Variants in LRRTM4 observed in about 807,000 individuals in gnomAD.
LRRTM4 encodes the protein leucine-rich repeat transmembrane neuronal protein 4.
LRRTM4 carries 25 observed loss-of-function variants against 47.6 expected under a neutral mutation model. The ratio of observed to expected loss-of-function variants is 0.53; its 90% confidence interval spans 0.38 to 0.73. LRRTM4 has a LOEUF of 0.73. Ranked by LOEUF, LRRTM4 falls within the 30% of genes least tolerant of loss-of-function variation. The probability of loss-of-function intolerance (pLI) is 0.00; values close to 1 mark genes in which losing one functional copy is unlikely to be tolerated. For synonymous variants in LRRTM4, 311 were observed against 269.5 expected (o/e 1.15, Z -1.51); for missense variants, 638 against 713.4 (o/e 0.89, Z 1.20).
chr2:76,808,139 C>G (rs1294041466), intron 3 of LRRTM4, among the ~76,000 whole-genome samples: 1 of 151,688 alleles, frequency 6.6e-6, no homozygotes, highest in Non-Finnish European at 1.5e-5. Flanking sequence ...CCTGCCTCAG[C>G]CTTACTCAGT....
At chr2:77,369,483 G>A (rs761265929) in intron 3 of LRRTM4, among the ~76,000 whole-genome samples, 39 of 151,674 alleles carry the variant, frequency 2.6e-4, no homozygotes, top group Non-Finnish European at 4.4e-4. Context: ...ACATGAAGAC[G>A]AAAGTGGACA....
intron 3 of LRRTM4, among the ~76,000 whole-genome samples, chr2:77,249,393 C>T (rs1407925062): frequency 6.6e-6 from 1 of 151,558 alleles, no homozygotes; most frequent in Non-Finnish European, 1.5e-5. Context: ...TTTTGGTCCA[C>T]CAAGGACACT....
chr2:76,844,922 G>T (rs1046826846), intron 3 of LRRTM4, among the ~76,000 whole-genome samples: 3 of 151,988 alleles, frequency 2.0e-5, no homozygotes, highest in Non-Finnish European at 4.4e-5. Context: ...ATCAAAAGGC[G>T]GTAATGTGAC....
intron 3 of LRRTM4, among the ~76,000 whole-genome samples, chr2:76,816,811 G>A (rs1409931467): frequency 2.5e-5 from 3 of 120,952 alleles, no homozygotes; most frequent in Non-Finnish European, 5.4e-5. Context: ...TTTACTTAGA[G>A]GTAAAGAGTT....
intron 3 of LRRTM4, among the ~76,000 whole-genome samples, chr2:76,774,178 CTTTTT>C (rs11342000): frequency 6.8e-6 from 1 of 146,836 alleles, no homozygotes; most frequent in African/African-American, 2.5e-5. Context: ...GAAAAGGGAA[CTTTTT>C]TTTTTTTTAT....
intron 3 of LRRTM4, among the ~76,000 whole-genome samples, chr2:77,072,381 T>C (rs546295783): frequency 6.6e-6 from 1 of 152,324 alleles, no homozygotes; most frequent in East Asian, 1.9e-4. Context: ...ATTGAAACAT[T>C]ATTTCTGTGA....
At chr2:77,184,959 G>C (rs1042684951) in intron 3 of LRRTM4, among the ~76,000 whole-genome samples, 1 of 151,840 alleles carries the variant, frequency 6.6e-6, no homozygotes, top group African/African-American at 2.4e-5. Flanking sequence ...ACAGACCAAA[G>C]TAATTAAAGA....
intron 3 of LRRTM4, among the ~76,000 whole-genome samples, chr2:77,023,921 C>T (rs142268890): frequency 0.012 from 1,882 of 152,176 alleles, 41 homozygotes; most frequent in African/African-American, 0.043. Flanking sequence ...AGTCTGTTCT[C>T]ATGCTGCTGA....
At chr2:77,484,166 G>T (rs1677823961) in intron 3 of LRRTM4, among the ~76,000 whole-genome samples, 2 of 152,206 alleles carry the variant, frequency 1.3e-5, no homozygotes, top group Admixed American at 1.3e-4. Context: ...GCATTCACAG[G>T]CAGGCAGTTT....
chr2:76,908,482 G>C (rs1673931233), intron 3 of LRRTM4, among the ~76,000 whole-genome samples: 1 of 151,488 alleles, frequency 6.6e-6, no homozygotes, highest in African/African-American at 2.4e-5. Context: ...AGTGTTGGAA[G>C]TTCTGGCCAG....
intron 3 of LRRTM4, among the ~76,000 whole-genome samples, chr2:77,135,883 A>AT (rs542358400): frequency 5.9e-5 from 9 of 151,848 alleles, no homozygotes; most frequent in South Asian, 2.1e-4. Flanking sequence ...AAATTTTTAC[A>AT]TTTTTTTTAC....
chr2:77,498,988 A>C (rs1490987538), intron 3 of LRRTM4, among the ~76,000 whole-genome samples: 1 of 151,818 alleles, frequency 6.6e-6, no homozygotes, highest in African/African-American at 2.4e-5. Flanking sequence ...CAACTCCTGA[A>C]GTTTCAGGAA....
intron 3 of LRRTM4, among the ~76,000 whole-genome samples, chr2:76,951,959 G>C (rs538155969): frequency 6.6e-6 from 1 of 151,824 alleles, no homozygotes; most frequent in Non-Finnish European, 1.5e-5. Context: ...AAGGACATGA[G>C]ATCATTTTTT....
chr2:76,949,422 C>A (rs2103882272), intron 3 of LRRTM4, among the ~76,000 whole-genome samples: 1 of 151,942 alleles, frequency 6.6e-6, no homozygotes, highest in South Asian at 2.1e-4. Flanking sequence ...GCAAGGTAAA[C>A]CCTGTTCTAC....
At chr2:76,820,761 CTGA>C (rs1671030474) in intron 3 of LRRTM4, among the ~76,000 whole-genome samples, 1 of 151,684 alleles carries the variant, frequency 6.6e-6, no homozygotes, top group Non-Finnish European at 1.5e-5. Flanking sequence ...GCTGGTAATA[CTGA>C]TAATATGCAT....
At chr2:77,324,781 A>T (rs766885055) in intron 3 of LRRTM4, among the ~76,000 whole-genome samples, 1 of 152,150 alleles carries the variant, frequency 6.6e-6, no homozygotes, top group Non-Finnish European at 1.5e-5. Flanking sequence ...TTAAGAAGTC[A>T]CTGACTATTT....
chr2:77,477,904 AAAGAAAG>A (rs1677483100), intron 3 of LRRTM4, among the ~76,000 whole-genome samples: 2 of 4,920 alleles, frequency 4.1e-4, no homozygotes, highest in African/African-American at 6.7e-4. Context: ...AAAGAAAGAA[AAAGAAAG>A]AAAGAAAGAA....
chr2:77,238,988 C>G (rs1217546019), intron 3 of LRRTM4, among the ~76,000 whole-genome samples: 1 of 151,712 alleles, frequency 6.6e-6, no homozygotes, highest in Non-Finnish European at 1.5e-5. Flanking sequence ...TATAAACCTA[C>G]AAGGTACCCA....
At chr2:76,789,292 A>G (rs1007451309) in intron 3 of LRRTM4, among the ~76,000 whole-genome samples, 2 of 152,174 alleles carry the variant, frequency 1.3e-5, no homozygotes, top group African/African-American at 4.8e-5. Flanking sequence ...AAAATGGCCA[A>G]GTAGGTGATA....
Sources: gnomAD v4.1 joint callset for allele counts (sites outside exome capture counted in the v4.1 genomes callset) on GRCh38, gnomAD v4.1.1 for gene constraint, MANE v1.5 for transcripts, NCBI Gene and HGNC (gene_info 2026-07-23, HGNC 2026-07-21) for gene names.